Variants in FAM153A observed in about 807,000 individuals in gnomAD.
The protein encoded by FAM153A is protein FAM153A.
A neutral mutation model predicts 48.1 loss-of-function variants in FAM153A; 12 were observed. The ratio of observed to expected loss-of-function variants is 0.25; its 90% CI spans 0.16 to 0.40. FAM153A has a LOEUF of 0.40. FAM153A is among the 10% of genes least tolerant of loss of function. The pLI is 1.00. For missense variants in FAM153A, 111 were observed against 345.8 expected (o/e 0.32, Z 5.38); for synonymous variants, 36 against 118.2 (o/e 0.30, Z 4.51).
rs1444327602 is a variant in FAM153A, at chr5:177,771,525, T to C, written c.-57+8924A>G. Among the ~76,000 whole-genome samples, 2 of 94,846 alleles carry C rather than the reference T, an allele frequency of 2.1e-5. 1 individual carries two copies. The highest frequency in any genetic ancestry group is 8.4e-5 in the African/African-American group (2 of 23,814). The allele number at this position is 94,846 out of a possible 152,430, so 62.2% of individuals were successfully genotyped here. On this transcript the variant is annotated intron_variant, in intron 1 of 8. Coordinates refer to the FAM153A transcript ENST00000393518. ...TTTTAAAACAGCACCAAAAGTTAAG[T>C]TGGGGCTAAAACTGTTGTGCAGGAA... is the stretch of plus-strand genomic sequence containing the variant.
chr5:177,761,429 C>T (rs1561951942), intron 1 of FAM153A, among the ~76,000 whole-genome samples: 1 of 152,078 alleles, frequency 6.6e-6, no homozygotes, highest in Non-Finnish European at 1.5e-5. Flanking sequence ...GAGCCCTCCC[C>T]TGGCCGACTA....
At chr5:177,725,806 G>A (rs1175530855) in intron 18 of FAM153A, among the ~76,000 whole-genome samples, 1 of 151,882 alleles carries the variant, frequency 6.6e-6, no homozygotes, top group East Asian at 1.9e-4. Context: ...ACTGCCTACA[G>A]CAACACAGCA....
exon 27 of FAM153A, chr5:177,712,410 T>C (rs1025929913): frequency 6.6e-6 from 1 of 151,718 alleles, no homozygotes; most frequent in African/African-American, 2.4e-5. Flanking sequence ...AGGCGGAGGT[T>C]GCAGTGAGCA....
chr5:177,746,406 TCC>T (rs1162209436), intron 4 of FAM153A, among the ~76,000 whole-genome samples: 3 of 147,378 alleles, frequency 2.0e-5, no homozygotes, highest in African/African-American at 7.7e-5. Context: ...TAATCCACCC[TCC>T]TTGGCCTCCC....
chr5:177,725,545 C>T (rs1299245982), intron 18 of FAM153A, among the ~76,000 whole-genome samples: 2 of 151,824 alleles, frequency 1.3e-5, no homozygotes, highest in African/African-American at 2.4e-5. Flanking sequence ...GTGAGGCCAG[C>T]AGTTGCCAGC....
chr5:177,699,151 A>C, the FAM153A span, among the ~76,000 whole-genome samples: 12 of 151,828 alleles, frequency 7.9e-5, no homozygotes, highest in East Asian at 2.1e-3. Context: ...TACCATAGCA[A>C]TTTAAGTTCA....
intron 10 of FAM153A, among the ~76,000 whole-genome samples, chr5:177,737,919 A>G (rs1000657061): frequency 2.0e-5 from 3 of 151,754 alleles, no homozygotes; most frequent in Non-Finnish European, 2.9e-5. Flanking sequence ...TTTAAAGAAG[A>G]CTAAACCAAG....
chr5:177,756,530 TA>T (rs1366051094), upstream of FAM153A, among the ~76,000 whole-genome samples: 1 of 139,312 alleles, frequency 7.2e-6, no homozygotes, highest in Non-Finnish European at 1.6e-5. Context: ...CAACAGAATA[TA>T]CGTTCTTCTC....
downstream of FAM153A, among the ~76,000 whole-genome samples, chr5:177,708,565 G>A (rs554929455): frequency 7.1e-4 from 108 of 151,880 alleles, no homozygotes; most frequent in African/African-American, 2.4e-3. Flanking sequence ...CAACAAGAGC[G>A]AAACTCAGTC....
At chr5:177,705,663 T>TC (rs1393584685), downstream of FAM153A, among the ~76,000 whole-genome samples, 2 of 103,262 alleles carry the variant, frequency 1.9e-5, no homozygotes, top group African/African-American at 9.1e-5. Flanking sequence ...TTTTTCTTTT[T>TC]TTTTTTTTTT....
chr5:177,753,096 A>G, intron 1 of FAM153A: 1 of 1,072,696 alleles, frequency 9.3e-7, no homozygotes, highest in East Asian at 2.5e-5. Context: ...AATTAAAAAA[A>G]TCAGAATGAC....
chr5:177,711,817 TCCCCAACCCCAACG>T (rs1758525764), exon 27 of FAM153A: 1 of 151,828 alleles, frequency 6.6e-6, no homozygotes, highest in African/African-American at 2.4e-5. Flanking sequence ...ATTTGTTCCC[TCCCCAACCCCAACG>T]CCGCCTGCAT....
At chr5:177,695,707 TC>T in the FAM153A span, among the ~76,000 whole-genome samples, 1 of 151,246 alleles carries the variant, frequency 6.6e-6, no homozygotes, top group Non-Finnish European at 1.5e-5. Context: ...TCCCCACATT[TC>T]CCCCTTTCTT....
intron 1 of FAM153A, chr5:177,753,117 C>T: frequency 1.4e-6 from 2 of 1,431,210 alleles, no homozygotes; most frequent in Non-Finnish European, 1.9e-6. Context: ...ATTTAACATA[C>T]AGGAAAACTG....
chr5:177,776,724 A>T (rs200653437), intron 1 of FAM153A, among the ~76,000 whole-genome samples: 5 of 5,600 alleles, frequency 8.9e-4, no homozygotes, highest in South Asian at 0.017. Flanking sequence ...CCATCAAGCT[A>T]CCAATGACTT....
At chr5:177,697,105 C>T in the FAM153A span, among the ~76,000 whole-genome samples, 103 of 151,820 alleles carry the variant, frequency 6.8e-4, 2 homozygotes, top group Non-Finnish European at 1.1e-3. Flanking sequence ...TTTAAATCTT[C>T]TTTAATTTCT....
chr5:177,723,329 A>G (rs1268344243), downstream of FAM153A: 1 of 111,072 alleles, frequency 9.0e-6, no homozygotes, highest in Non-Finnish European at 2.0e-5. Flanking sequence ...AAAACAGTGT[A>G]TATGTACACA....
chr5:177,697,457 T>C, the FAM153A span, among the ~76,000 whole-genome samples: 1 of 151,482 alleles, frequency 6.6e-6, no homozygotes, highest in Non-Finnish European at 1.5e-5. Flanking sequence ...AACCCACAAT[T>C]GTCTGCAGAC....
At chr5:177,772,346 A>T (rs1431659752) in intron 1 of FAM153A, among the ~76,000 whole-genome samples, 1 of 75,426 alleles carries the variant, frequency 1.3e-5, no homozygotes, top group African/African-American at 5.6e-5. Context: ...CATCTGAGGT[A>T]CCGGGTTCAT....
Sources: gnomAD v4.1 joint callset for allele counts (sites outside exome capture counted in the v4.1 genomes callset) on GRCh38, gnomAD v4.1.1 for gene constraint, MANE v1.5 for transcripts, NCBI Gene and HGNC (gene_info 2026-07-23, HGNC 2026-07-21) for gene names.